The following TMEM117 variants were observed in gnomAD, a reference collection of about 807,000 sequenced individuals.
TMEM117 encodes transmembrane protein 117.
TMEM117 carries 27 observed loss-of-function variants against 52.4 expected under a neutral mutation model. The ratio of observed to expected loss-of-function variants is 0.51; its 90% CI spans 0.38 to 0.71. The LOEUF (loss-of-function observed/expected upper bound fraction) is 0.71, where lower values mean the gene tolerates loss of function less well. TMEM117 is among the 30% of genes least tolerant of loss of function. The pLI is 0.00. For synonymous variants in TMEM117, 215 were observed against 206.3 expected (o/e 1.04, Z -0.36); for missense variants, 556 against 630.5 (o/e 0.88, Z 1.26).
At chr12:44,347,849 T>A (rs1951509139) in intron 6 of TMEM117, among the ~76,000 whole-genome samples, 1 of 152,094 alleles carries the variant, frequency 6.6e-6, no homozygotes, top group Non-Finnish European at 1.5e-5. Flanking sequence ...TCTGGCTGCA[T>A]GTTATCATTT....
chr12:43,968,131 G>T (rs1945515714), intron 3 of TMEM117, among the ~76,000 whole-genome samples: 1 of 152,156 alleles, frequency 6.6e-6, no homozygotes, highest in Non-Finnish European at 1.5e-5. Context: ...TTATTATACA[G>T]CATATATTTG....
intron 2 of TMEM117, among the ~76,000 whole-genome samples, chr12:43,894,756 T>C (rs1944169049): frequency 1.3e-5 from 2 of 152,214 alleles, no homozygotes; most frequent in South Asian, 4.1e-4. Context: ...TAGTATTCCA[T>C]GGTGTGTATG....
chr12:44,060,279 T>C (rs1203531532), intron 3 of TMEM117, among the ~76,000 whole-genome samples: 2 of 152,222 alleles, frequency 1.3e-5, no homozygotes, highest in Non-Finnish European at 2.9e-5. Flanking sequence ...GCAGGTGTTA[T>C]AGCAACAATA....
chr12:44,077,099 A>T (rs1947394593), intron 3 of TMEM117, among the ~76,000 whole-genome samples: 1 of 152,204 alleles, frequency 6.6e-6, no homozygotes, highest in Non-Finnish European at 1.5e-5. Flanking sequence ...CTGGGGAGTT[A>T]ACAAATAGAA....
intron 3 of TMEM117, among the ~76,000 whole-genome samples, chr12:44,013,684 C>T (rs558486965): frequency 1.4e-4 from 22 of 152,158 alleles, no homozygotes; most frequent in Non-Finnish European, 2.6e-4. Context: ...AGCTCTCAGA[C>T]TTGTCCACAC....
At chr12:43,942,251 G>C (rs188386298) in intron 2 of TMEM117, among the ~76,000 whole-genome samples, 1 of 152,096 alleles carries the variant, frequency 6.6e-6, no homozygotes, top group Non-Finnish European at 1.5e-5. Flanking sequence ...ACTGTGTCTG[G>C]CATGTAATAG....
intron 3 of TMEM117, among the ~76,000 whole-genome samples, chr12:43,981,895 C>T (rs1417422070): frequency 6.6e-6 from 1 of 151,960 alleles, no homozygotes; most frequent in African/African-American, 2.4e-5. Flanking sequence ...GGTCAAAGAG[C>T]AGAGAGTTAC....
chr12:43,819,061 C>T, the TMEM117 span, among the ~76,000 whole-genome samples: 5 of 152,058 alleles, frequency 3.3e-5, no homozygotes, highest in Non-Finnish European at 7.4e-5. Context: ...CAGAATTGTA[C>T]AGGGAGAGGC....
At chr12:43,986,714 T>C (rs1018545800) in intron 3 of TMEM117, among the ~76,000 whole-genome samples, 1 of 152,180 alleles carries the variant, frequency 6.6e-6, no homozygotes, top group African/African-American at 2.4e-5. Context: ...CAATGAGACA[T>C]AAATTGAACC....
At chr12:44,138,734 T>C (rs1024325458) in intron 3 of TMEM117, among the ~76,000 whole-genome samples, 1 of 152,170 alleles carries the variant, frequency 6.6e-6, no homozygotes, top group Admixed American at 6.5e-5. Context: ...CCTCAAACCA[T>C]AGGTCTGGCC....
intron 5 of TMEM117, among the ~76,000 whole-genome samples, chr12:44,256,869 T>G (rs1304257236): frequency 6.6e-6 from 1 of 151,622 alleles, no homozygotes. Flanking sequence ...TATATAATGA[T>G]TGTTTGGTTT....
chr12:44,393,584 G>A (rs1017636581), downstream of TMEM117, among the ~76,000 whole-genome samples: 10 of 144,594 alleles, frequency 6.9e-5, no homozygotes, highest in African/African-American at 2.4e-4. Context: ...ATTCAGTCTT[G>A]TCTGACTCCA....
chr12:43,928,946 A>G lies in TMEM117; in HGVS notation c.278-15264A>G, dbSNP rs183622567. ...AACTCATCATTTTTTATGGCTGCATAGTATTCCATGGTGTATATGTGCCAC... is the reference window on the plus strand; with the variant it reads ...AACTCATCATTTTTTATGGCTGCATGGTATTCCATGGTGTATATGTGCCAC... On this transcript the variant is annotated intron_variant, in intron 2 of 7. Transcript: ENST00000266534. 7.0e-4 allele frequency among the ~76,000 whole-genome samples: 107 copies of G among 151,914 alleles called. 2 individuals are homozygous for G. In the East Asian group the frequency reaches 0.019, roughly 27 times the overall value.
chr12:43,864,372 T>G (rs1033006293), intron 2 of TMEM117, among the ~76,000 whole-genome samples: 1 of 152,188 alleles, frequency 6.6e-6, no homozygotes, highest in Non-Finnish European at 1.5e-5. Flanking sequence ...CTGAGTCTAG[T>G]GGGGACTTGG....
intron 2 of TMEM117, among the ~76,000 whole-genome samples, chr12:43,879,833 A>G (rs1206681454): frequency 6.6e-6 from 1 of 152,232 alleles, no homozygotes; most frequent in Non-Finnish European, 1.5e-5. Flanking sequence ...GTACTCGTAG[A>G]AAGAGCCACA....
chr12:44,169,415 A>G (rs551483447), intron 4 of TMEM117, among the ~76,000 whole-genome samples: 1 of 152,120 alleles, frequency 6.6e-6, no homozygotes, highest in South Asian at 2.1e-4. Context: ...GTGTCTCTTC[A>G]TGGTTTTGAT....
At chr12:44,193,361 T>C (rs1030864909) in intron 4 of TMEM117, among the ~76,000 whole-genome samples, 2 of 152,210 alleles carry the variant, frequency 1.3e-5, no homozygotes, top group African/African-American at 4.8e-5. Flanking sequence ...AAAACCATGG[T>C]CTTTTGTACA....
intron 6 of TMEM117, among the ~76,000 whole-genome samples, chr12:44,343,730 A>G (rs1951447540): frequency 6.6e-6 from 1 of 152,148 alleles, no homozygotes; most frequent in Non-Finnish European, 1.5e-5. Context: ...TGTTGTGTGT[A>G]TTTTATCACT....
the TMEM117 span, among the ~76,000 whole-genome samples, chr12:43,822,328 G>C: frequency 6.6e-6 from 1 of 152,018 alleles, no homozygotes; most frequent in Non-Finnish European, 1.5e-5. Flanking sequence ...TACAAACTTT[G>C]GTTTTTCAGA....
Sources: allele counts gnomAD v4.1 joint callset (sites outside exome capture counted in the v4.1 genomes callset), GRCh38; gene constraint gnomAD v4.1.1; transcripts MANE v1.5; gene names NCBI Gene and HGNC (gene_info 2026-07-23, HGNC 2026-07-21).